Variants in ZCCHC9 observed in about 807,000 individuals in gnomAD.
ZCCHC9 encodes zinc finger CCHC domain-containing protein 9.
ZCCHC9 carries 18 observed loss-of-function variants against 30.8 expected under a neutral mutation model. The observed-to-expected ratio is 0.58, with a 90% confidence interval of 0.40 to 0.87. The LOEUF (loss-of-function observed/expected upper bound fraction) is 0.87. ZCCHC9 is among the 40% of genes least tolerant of loss of function. The pLI is 0.00. For synonymous variants in ZCCHC9, 94 were observed against 106.7 expected (o/e 0.88, Z 0.73); for missense variants, 279 against 331.2 (o/e 0.84, Z 1.22).
At chr5:81,304,342 T>C (rs1758034519) in intron 1 of ZCCHC9, 1 of 155,316 alleles carries the variant, frequency 6.4e-6, no homozygotes, top group African/African-American at 2.4e-5. Flanking sequence ...GCAAGAAGAT[T>C]GGGAGAAAGT....
rs1350714101 is a variant in ZCCHC9, at chr5:81,305,040, G to T, written c.283G>T (p.Asp95Tyr). 2 of 1,614,156 alleles carry T rather than the reference G, an allele frequency of 1.2e-6. No homozygotes were observed. Among genetic ancestry groups the T allele is most frequent in the Middle Eastern group, 1.6e-4 (1 of 6,062 alleles). ...MVHNGQIIATDSEEVREEIAV... is the reference protein window; with the variant it reads ...MVHNGQIIATYSEEVREEIAV... ...TCACAATGGGCAAATTATAGCAACA[G>T]ACAGTGAGGAAGTAAGGGAAGAAAT... The change falls in exon 2 of 6, where the codon GAC becomes TAC. Residue 95 changes from aspartate to tyrosine, a missense_variant. Asp to Tyr is a radical substitution (Grantham distance 160). Coordinates refer to ENST00000407610, the MANE Select transcript of ZCCHC9 (RefSeq NM_001131035.2).
chr5:81,311,397 C>G (rs1221756299), intron 5 of ZCCHC9, 118 bp downstream of exon 5: 1 of 1,024,650 alleles, frequency 9.8e-7, no homozygotes, highest in Non-Finnish European at 1.5e-6. Context: ...AACCTGTTTT[C>G]CTACTGTAGC....
At chr5:81,312,197 G>T (rs1385554713) in intron 5 of ZCCHC9, among the ~76,000 whole-genome samples, 2 of 152,186 alleles carry the variant, frequency 1.3e-5, no homozygotes, top group African/African-American at 2.4e-5. Flanking sequence ...GTGGAATCTT[G>T]TGCATTTAAA....
chr5:81,308,058 T>TATCTATC (rs1561305989), intron 2 of ZCCHC9, among the ~76,000 whole-genome samples: 17 of 147,280 alleles, frequency 1.2e-4, no homozygotes, highest in East Asian at 2.0e-4. Flanking sequence ...TCTATCTATC[T>TATCTATC]TATGGTTTGA....
intron 5 of ZCCHC9, 32 bp from the exon 6 acceptor site, chr5:81,312,512 T>C: frequency 1.9e-6 from 3 of 1,552,116 alleles, no homozygotes; most frequent in Non-Finnish European, 2.7e-6. Context: ...TTACTGTTTT[T>C]CTAACATTCT....
In ZCCHC9 at chr5:81,305,168, T is replaced by C. The variant is rs368327578; in HGVS notation, c.384+27T>C. The stretch of plus-strand genomic sequence containing the variant: ...TGAGAGCATCACTTCTACCATGTTA[T>C]TTACTTTATTTAGCTGGAAACTATT... On this transcript the variant is annotated intron_variant, in intron 2 of 5. Coordinates refer to ENST00000407610, the MANE Select transcript of ZCCHC9 (RefSeq NM_001131035.2). 27 of 1,550,386 alleles carry C rather than the reference T, an allele frequency of 1.7e-5. No individual in the cohort carries two copies. The African/African-American group carries it at 3.3e-4, about 19-fold the overall frequency.
chr5:81,304,867 C>G lies in ZCCHC9; in HGVS notation c.110C>G (p.Pro37Arg), dbSNP rs199749596. The G allele has an allele frequency of 1.6e-5, 26 of 1,613,924 alleles. No individual in the cohort carries two copies. Among genetic ancestry groups the G allele is most frequent in the Non-Finnish European group, 2.0e-5 (24 of 1,180,008 alleles). Residue 37 changes from proline (P) to arginine (R), a missense_variant, in exon 2 of 6, where the codon CCA becomes CGA. Coordinates refer to ENST00000407610, the MANE Select transcript of ZCCHC9 (RefSeq NM_001131035.2). Reference sequence around the variant, plus strand: ...TTTGAGGGAACAAGCCAAAACCTACCAAAGCGTAAACAACTTGAAGCCAAT... The same window carrying G: ...TTTGAGGGAACAAGCCAAAACCTACGAAAGCGTAAACAACTTGAAGCCAAT... ...GSFEGTSQNL[P>R]KRKQLEANRL...
rs773778993 is a variant in ZCCHC9, at chr5:81,304,857, C to G, written c.100C>G (p.Gln34Glu). The G allele has an allele frequency of 6.2e-7, 1 of 1,613,998 alleles. No individual in the cohort carries two copies. The highest frequency in any genetic ancestry group is 8.5e-7 in the Non-Finnish European group (1 of 1,179,994). Residue 34 changes from glutamine to glutamate, a missense_variant, in exon 2 of 6, where the codon CAA becomes GAA. Coordinates refer to ENST00000407610, the MANE Select transcript of ZCCHC9 (RefSeq NM_001131035.2). ...GAAGGGATCCTTTGAGGGAACAAGC[C>G]AAAACCTACCAAAGCGTAAACAACT... ...MKKGSFEGTS[Q>E]NLPKRKQLEA...
intron 4 of ZCCHC9, among the ~76,000 whole-genome samples, chr5:81,310,231 T>A (rs1281463066): frequency 1.3e-5 from 2 of 151,082 alleles, no homozygotes; most frequent in African/African-American, 4.9e-5. Context: ...TTGGCCATAT[T>A]TGCCTGTGTG....
chr5:81,310,863 T>G (rs1260777695), intron 4 of ZCCHC9, among the ~76,000 whole-genome samples: 1 of 152,254 alleles, frequency 6.6e-6, no homozygotes, highest in Non-Finnish European at 1.5e-5. Context: ...ACATCTTTTG[T>G]TTACAGGTCC....
Position 81,308,665 on chromosome 5 carries a change from A to G in ZCCHC9, c.489A>G (p.Thr163=), listed in dbSNP as rs760768344. 1 of 1,613,690 alleles carries G rather than the reference A, an allele frequency of 6.2e-7. No individual in the cohort carries two copies. Among genetic ancestry groups the G allele is most frequent in the South Asian group, 1.1e-5 (1 of 91,028 alleles). Residue 163 remains threonine, a synonymous_variant, in exon 3 of 6, where the codon ACA becomes ACG. Coordinates refer to ENST00000407610, the MANE Select transcript of ZCCHC9 (RefSeq NM_001131035.2). ...GGATATGTTACAGGTGTGGGTCCAC[A>G]GAGCACGAAATAACCAAGTGTAAGG... is the stretch of plus-strand genomic sequence containing the variant. The part of the protein sequence containing the change: ...GTGICYRCGS[T]EHEITKCKAK...
chr5:81,307,609 CGCCACTGCACTCCA>C (rs1758115832), intron 2 of ZCCHC9, among the ~76,000 whole-genome samples: 1 of 151,462 alleles, frequency 6.6e-6, no homozygotes, highest in Non-Finnish European at 1.5e-5. Context: ...GCCGAGATCA[CGCCACTGCACTCCA>C]GCCTGGTGAC....
rs115072784 is a variant in ZCCHC9 at position 81,309,614 on chromosome 5, G to A, written c.628+576G>A. On this transcript the variant is annotated intron_variant, in intron 4 of 5. Coordinates refer to ENST00000407610, the MANE Select transcript of ZCCHC9 (RefSeq NM_001131035.2). ...TGGCTGGTGCCATCAGGCTCTAGACGTTTCTTGTGTCATGTCCTGGGTTTC... is the reference window on the plus strand; with the variant it reads ...TGGCTGGTGCCATCAGGCTCTAGACATTTCTTGTGTCATGTCCTGGGTTTC... 1.5e-3 allele frequency among the ~76,000 whole-genome samples: 226 copies of A among 152,292 alleles called. 1 individual carries two copies. Among genetic ancestry groups the A allele is most frequent in the Middle Eastern group, 3.4e-3 (1 of 294 alleles).
At position 81,310,378 on chromosome 5, in the gene ZCCHC9, G is replaced by A. The variant is rs1429311523; in HGVS notation, c.629-833G>A. On this transcript the variant is annotated intron_variant, in intron 4 of 5. Transcript: ENST00000407610. ...GGTACATTTGATGTATATAGAATTA[G>A]TACTTTATTTTTAAGAGGTAAAGCA... is the stretch of plus-strand genomic sequence containing the variant. 3.9e-5 allele frequency among the ~76,000 whole-genome samples: 6 copies of A among 151,930 alleles called. No individual in the cohort carries two copies. The East Asian group carries it at 1.2e-3, about 29-fold the overall frequency.
chr5:81,302,791 A>C (rs1344469131), intron 1 of ZCCHC9: 1 of 152,204 alleles, frequency 6.6e-6, no homozygotes, highest in Non-Finnish European at 1.5e-5. Context: ...TGGAGCTTGC[A>C]GGGCTGTCGG....
rs780841743 is a variant in ZCCHC9 at position 81,311,312 on chromosome 5, G to T, written c.697+33G>T. On this transcript the variant is annotated intron_variant, in intron 5 of 5. Transcript: ENST00000407610. ...CTCTGGGCCTCTACTTAGAAGGGGT[G>T]AGATTAGTATTCCTCTGCGTTTTAT... 33 of 1,601,192 alleles carry T rather than the reference G, an allele frequency of 2.1e-5. No homozygotes were observed. The South Asian group carries it at 3.3e-4, about 16-fold the overall frequency.
Position 81,304,923 on chromosome 5 carries a change from G to A in ZCCHC9, c.166G>A (p.Ala56Thr), listed in dbSNP as rs755997548. ...RLSLKNDAPQ[A>T]KHKKNKKKKE... ...ATCCCTCAAAAATGATGCACCCCAA[G>A]CAAAACATAAAAAGAACAAAAAGAA... The change falls in exon 2 of 6, where the codon GCA (alanine) becomes ACA (threonine). Residue 56 changes from alanine to threonine, a missense_variant. Coordinates refer to ENST00000407610, the MANE Select transcript of ZCCHC9 (RefSeq NM_001131035.2). 6.2e-7 allele frequency: 1 copy of A among 1,613,744 alleles called. No homozygotes were observed. Among genetic ancestry groups the A allele is most frequent in the South Asian group, 1.1e-5 (1 of 91,016 alleles).
At chr5:81,312,357 C>T (rs1382865022) in intron 5 of ZCCHC9, among the ~76,000 whole-genome samples, 187 bp from the exon 6 acceptor site, 1 of 152,154 alleles carries the variant, frequency 6.6e-6, no homozygotes, top group Non-Finnish European at 1.5e-5. Context: ...TGAGAAATTG[C>T]CTGTGGTACT....
intron 1 of ZCCHC9, chr5:81,302,897 G>A (rs1015089048): frequency 6.6e-6 from 1 of 151,744 alleles, no homozygotes; most frequent in Non-Finnish European, 1.5e-5. Flanking sequence ...TTATAAATGC[G>A]GTATGCTTAG....
Sources: allele counts gnomAD v4.1 joint callset (sites outside exome capture counted in the v4.1 genomes callset), GRCh38; gene constraint gnomAD v4.1.1; transcripts MANE v1.5; gene names NCBI Gene and HGNC (gene_info 2026-07-23, HGNC 2026-07-21).